TRAPPC12: variants seen among roughly 807,000 people sequenced by gnomAD.
TRAPPC12 encodes TPR repeat protein 15.
A neutral mutation model predicts 69.2 loss-of-function variants in TRAPPC12; 61 were observed. That is an observed-to-expected ratio of 0.88 (90% CI 0.72 to 1.09). The LOEUF is 1.09. Among genes scored for constraint, TRAPPC12 ranks in the 50% least tolerant of loss-of-function variants. The pLI is 0.00. For missense variants in TRAPPC12, 1,101 were observed against 1,016.4 expected (o/e 1.08, Z -1.13); for synonymous variants, 469 against 438.9 (o/e 1.07, Z -0.86).
At chr2:3,389,653 G>A (rs1660711259) in intron 2 of TRAPPC12, 1 of 470,460 alleles carries the variant, frequency 2.1e-6, no homozygotes, top group South Asian at 1.5e-5. Flanking sequence ...CCCGTTGAGT[G>A]GGGCAGCCGA....
intron 3 of TRAPPC12, among the ~76,000 whole-genome samples, 160 bp downstream of exon 3, chr2:3,402,053 C>T (rs1465264671): frequency 1.3e-5 from 2 of 152,236 alleles, no homozygotes; most frequent in East Asian, 3.9e-4. Context: ...CACCAAAAAG[C>T]ATCATATTAA....
At chr2:3,392,206 G>T (rs1338301126) in intron 2 of TRAPPC12, among the ~76,000 whole-genome samples, 3 of 152,102 alleles carry the variant, frequency 2.0e-5, no homozygotes, top group Non-Finnish European at 4.4e-5. Flanking sequence ...AAGGTCTCTG[G>T]TCCTGTCCAG....
chr2:3,402,366 C>T (rs1343664198), intron 3 of TRAPPC12, among the ~76,000 whole-genome samples: 1 of 152,096 alleles, frequency 6.6e-6, no homozygotes, highest in Non-Finnish European at 1.5e-5. Flanking sequence ...CCAAGGCGGG[C>T]AGATCACAAG....
intron 6 of TRAPPC12, among the ~76,000 whole-genome samples, chr2:3,453,365 C>A (rs765046469): frequency 7.9e-5 from 12 of 152,188 alleles, no homozygotes; most frequent in South Asian, 4.1e-4. Flanking sequence ...GAAGGTGCCT[C>A]CAACACCCGG....
chr2:3,464,156 A>T (rs1325208393), intron 8 of TRAPPC12, among the ~76,000 whole-genome samples: 2 of 150,702 alleles, frequency 1.3e-5, no homozygotes, highest in African/African-American at 2.5e-5. Context: ...ACACATGCTC[A>T]CACACACGCT....
At chr2:3,388,700 C>T (rs1660650020) in intron 2 of TRAPPC12, 30 bp downstream of exon 2, 1 of 1,500,026 alleles carries the variant, frequency 6.7e-7, no homozygotes, top group South Asian at 1.3e-5. Context: ...CTCCGCAGCC[C>T]GTGCCTCCTC....
intron 2 of TRAPPC12, among the ~76,000 whole-genome samples, chr2:3,390,002 C>G (rs771998817): frequency 6.6e-6 from 1 of 152,044 alleles, no homozygotes; most frequent in Non-Finnish European, 1.5e-5. Context: ...GTGGAAAAAA[C>G]CAGTTGGGGA....
In TRAPPC12 at chr2:3,448,618, CTA is replaced by C. The variant is rs1558391062; in HGVS notation, c.1530+4728_1530+4729del. Among the ~76,000 whole-genome samples, 204 of 102,070 alleles carry C rather than the reference CTA, an allele frequency of 2.0e-3. 8 individuals are homozygous for C. The highest frequency in any genetic ancestry group is 9.0e-3 in the African/African-American group (182 of 20,162). 67.0% of individuals were successfully genotyped at this position (102,070 alleles called of 152,430 possible). A position where few individuals can be genotyped will look rare whatever the true frequency, so the allele number is the denominator to read the frequency against. On this transcript the variant is annotated intron_variant, in intron 6 of 11. Coordinates refer to ENST00000324266, the MANE Select transcript of TRAPPC12 (RefSeq NM_016030.6). ...AGCCGGTTACTCGAGGGTAGGGCGT[CTA>C]GAGCAGCCGGTTACGCGAGGGTAGG...
rs746733215 is a variant in TRAPPC12 at position 3,421,932 on chromosome 2, G to A, written c.1216G>A (p.Ala406Thr). Reference sequence around the variant, plus strand: ...GGACCTGTGCGGACGTCTCCTCACAGCCCACGGCCAGGGCTACGGCAAGAG... The same window carrying A: ...GGACCTGTGCGGACGTCTCCTCACAACCCACGGCCAGGGCTACGGCAAGAG... Reference protein sequence around the residue: ...AVDLCGRLLTAHGQGYGKSGL... With the variant: ...AVDLCGRLLTTHGQGYGKSGL... Residue 406 changes from alanine to threonine, a missense_variant, in exon 4 of 12, where the codon GCC becomes ACC. Transcript: ENST00000324266. 59 of 1,613,736 alleles carry A rather than the reference G, an allele frequency of 3.7e-5. No homozygotes were observed. The highest frequency in any genetic ancestry group is 4.2e-5 in the Non-Finnish European group (49 of 1,180,008).
At chr2:3,405,671 G>A (rs144160056) in intron 3 of TRAPPC12, among the ~76,000 whole-genome samples, 113 of 152,296 alleles carry the variant, frequency 7.4e-4, no homozygotes, top group Non-Finnish European at 1.5e-4. Flanking sequence ...CTCTTGCTCC[G>A]TGAAGTTCTG....
At chr2:3,428,929 C>G (rs541617647) in intron 5 of TRAPPC12, among the ~76,000 whole-genome samples, 10 of 152,326 alleles carry the variant, frequency 6.6e-5, no homozygotes, top group Non-Finnish European at 1.5e-4. Context: ...ATCTCCACCC[C>G]CTTTTCCTCT....
intron 9 of TRAPPC12, 120 bp downstream of exon 9, chr2:3,465,815 C>A: frequency 1.3e-6 from 1 of 745,574 alleles, no homozygotes; most frequent in South Asian, 1.6e-5. Context: ...TATTCCAATT[C>A]AAATGTATGT....
intron 3 of TRAPPC12, among the ~76,000 whole-genome samples, chr2:3,412,719 T>A (rs1424067088): frequency 2.0e-5 from 3 of 152,164 alleles, no homozygotes; most frequent in African/African-American, 7.2e-5. Context: ...TCATGTCATC[T>A]CCAACTCCAG....
At chr2:3,387,595 G>C in intron 1 of TRAPPC12, 25 bp from the exon 2 acceptor site, 2 of 1,492,648 alleles carry the variant, frequency 1.3e-6, no homozygotes, top group Admixed American at 4.6e-5. Flanking sequence ...ACGCTCAGGG[G>C]CCTTCTCTCT....
intron 2 of TRAPPC12, among the ~76,000 whole-genome samples, chr2:3,393,312 CAT>C (rs1660929549): frequency 7.6e-6 from 1 of 132,036 alleles, no homozygotes. Flanking sequence ...AAGTCAGACT[CAT>C]AGAAGCTGGG....
rs913433341 is a variant in TRAPPC12 at position 3,414,067 on chromosome 2, G to A, written c.1165-7814G>A. Among the ~76,000 whole-genome samples the A allele has an allele frequency of 1.3e-5, 2 of 151,816 alleles. No homozygotes were observed. Among genetic ancestry groups the A allele is most frequent in the Non-Finnish European group, 2.9e-5 (2 of 67,986 alleles). ...CCAGCTCAGTATCCTTTTTATTCAC[G>A]TAATACCCCCCAAAGAATTAGAAAA... On this transcript the variant is annotated intron_variant, in intron 3 of 11. Coordinates refer to ENST00000324266, the MANE Select transcript of TRAPPC12 (RefSeq NM_016030.6). The surrounding 1 kb of genome is among the most constrained non-coding windows in gnomAD (Gnocchi z 4.9).
At chr2:3,413,995 C>G (rs1007269747) in intron 3 of TRAPPC12, among the ~76,000 whole-genome samples, 5 of 152,144 alleles carry the variant, frequency 3.3e-5, no homozygotes, top group African/African-American at 4.8e-5. Flanking sequence ...TGCCCCTCCC[C>G]TCCTGTGCTA....
chr2:3,410,888 G>A (rs2103489744), intron 3 of TRAPPC12, among the ~76,000 whole-genome samples: 1 of 152,222 alleles, frequency 6.6e-6, no homozygotes, highest in South Asian at 2.1e-4. Flanking sequence ...AAATTAGCTG[G>A]GCGTGGTGGT....
intron 9 of TRAPPC12, among the ~76,000 whole-genome samples, chr2:3,468,464 C>T (rs561229795): frequency 6.6e-6 from 1 of 152,192 alleles, no homozygotes; most frequent in African/African-American, 2.4e-5. Context: ...TCATCATCGT[C>T]GTGTGTAGAT....
Sources: allele counts gnomAD v4.1 joint callset (sites outside exome capture counted in the v4.1 genomes callset), GRCh38; gene constraint gnomAD v4.1.1; non-coding constraint Gnocchi (gnomAD v3.1); transcripts MANE v1.5; gene names NCBI Gene and HGNC (gene_info 2026-07-23, HGNC 2026-07-21).